NARF: variants seen among roughly 807,000 people sequenced by gnomAD.
NARF encodes the protein nuclear prelamin A recognition factor.
A neutral mutation model predicts 48.0 loss-of-function variants in NARF; 41 were observed. That is an observed-to-expected ratio of 0.85 (90% CI 0.66 to 1.11). The LOEUF is 1.11. Among genes scored for constraint, NARF ranks in the 50% least tolerant of loss-of-function variants. The probability of loss-of-function intolerance (pLI) is 0.00; values close to 1 mark genes in which losing one functional copy is unlikely to be tolerated. For synonymous variants in NARF, 215 were observed against 225.5 expected, an observed-to-expected ratio of 0.95 and a Z score of 0.42; for missense variants, 613 against 590.2, an observed-to-expected ratio of 1.04 and a Z score of -0.40.
chr17:82,482,941 C>T (rs549753125), intron 7 of NARF, among the ~76,000 whole-genome samples: 37 of 151,556 alleles, frequency 2.4e-4, no homozygotes, highest in Non-Finnish European at 4.0e-4. Flanking sequence ...ATTACAGGTG[C>T]GCCCCACCAC....
rs774311311 is a variant in NARF, at chr17:82,472,717, G to A, written c.520+19G>A. The A allele has an allele frequency of 1.4e-5, 22 of 1,603,518 alleles. No individual in the cohort carries two copies. Among genetic ancestry groups the A allele is most frequent in the South Asian group, 6.7e-5 (6 of 89,976 alleles). ...TGTCCTGGTGAGCCCCTGGACCCCCGCTCTGTTGGCCTGAGGTGCCAAAAG... is the reference window on the plus strand; with the variant it reads ...TGTCCTGGTGAGCCCCTGGACCCCCACTCTGTTGGCCTGAGGTGCCAAAAG... On this transcript the variant is annotated intron_variant, in intron 5 of 10. Transcript: ENST00000309794.
At chr17:82,481,870 C>G (rs1338660693) in intron 7 of NARF, 1 of 348,288 alleles carries the variant, frequency 2.9e-6, no homozygotes, top group Non-Finnish European at 5.6e-6. Flanking sequence ...GTCTCCTAAT[C>G]ACAAACCAAG....
intron 6 of NARF, chr17:82,480,798 G>A (rs536896176): frequency 1.6e-5 from 8 of 505,332 alleles, no homozygotes; most frequent in East Asian, 1.3e-4. Context: ...CAGGCGTGGC[G>A]GCATGCGCCT....
At chr17:82,461,687 C>G (rs1007657342) in intron 2 of NARF, among the ~76,000 whole-genome samples, 2 of 152,212 alleles carry the variant, frequency 1.3e-5, no homozygotes, top group Non-Finnish European at 2.9e-5. Flanking sequence ...TGGCCATTAT[C>G]CCTGTTTTAC....
intron 5 of NARF, among the ~76,000 whole-genome samples, chr17:82,473,457 T>C (rs1235347657): frequency 6.6e-6 from 1 of 151,836 alleles, no homozygotes; most frequent in Non-Finnish European, 1.5e-5. Context: ...CTGGAGTGCA[T>C]CCTGCCTCAC....
chr17:82,478,762 G>A, intron 5 of NARF, 38 bp from the exon 6 acceptor site: 4 of 1,576,920 alleles, frequency 2.5e-6, no homozygotes, highest in Non-Finnish European at 3.5e-6. Context: ...ACCAGAGGAA[G>A]CAGTAAGGAG....
At chr17:82,479,484 G>A (rs543358900) in intron 6 of NARF, among the ~76,000 whole-genome samples, 3 of 152,178 alleles carry the variant, frequency 2.0e-5, no homozygotes, top group African/African-American at 7.2e-5. Context: ...TCGGCCCGTC[G>A]TGTTCTCCCT....
intron 5 of NARF, among the ~76,000 whole-genome samples, chr17:82,475,730 C>A (rs944467803): frequency 6.6e-6 from 1 of 152,176 alleles, no homozygotes; most frequent in African/African-American, 2.4e-5. Context: ...TGAGAAGAGA[C>A]CTCTCAGGGC....
chr17:82,466,881 T>TC (rs2043582817), intron 3 of NARF, among the ~76,000 whole-genome samples: 1 of 152,204 alleles, frequency 6.6e-6, no homozygotes, highest in Non-Finnish European at 1.5e-5. Context: ...TTCTTTTTTT[T>TC]CGGCCTTCAC....
chr17:82,479,812 T>C (rs543287214), intron 6 of NARF: 1 of 152,380 alleles, frequency 6.6e-6, no homozygotes, highest in South Asian at 2.1e-4. Context: ...CATAAAGTCA[T>C]AATTTGGCAA....
At chr17:82,485,764 G>A in intron 10 of NARF, 110 bp downstream of exon 10, 1 of 1,283,266 alleles carries the variant, frequency 7.8e-7, no homozygotes, top group Non-Finnish European at 1.1e-6. Flanking sequence ...GCCTCTCTCA[G>A]CCCTGAGAGC....
At chr17:82,468,567 T>C (rs748637005) in intron 3 of NARF, 197 bp from the exon 4 acceptor site, 43 of 551,770 alleles carry the variant, frequency 7.8e-5, no homozygotes, top group Non-Finnish European at 1.3e-4. Flanking sequence ...AAAAAAATAT[T>C]TACCAGAAGC....
intron 5 of NARF, among the ~76,000 whole-genome samples, chr17:82,473,659 G>C (rs1306245621): frequency 6.6e-6 from 1 of 151,774 alleles, no homozygotes; most frequent in African/African-American, 2.4e-5. Context: ...CCAGGTTCAA[G>C]CGATTCTTAT....
chr17:82,458,493 C>A, upstream of NARF: 1 of 350,396 alleles, frequency 2.9e-6, no homozygotes. Context: ...CGCAAGGACC[C>A]GGTCCCCCCG....
In NARF at chr17:82,468,771, A is replaced by G. The variant is rs373855299; in HGVS notation, c.260A>G (p.Asp87Gly). The change falls in exon 4 of 11, where the codon GAT becomes GGT. Residue 87 changes from aspartate (D) to glycine (G), a missense_variant. Asp to Gly is a moderately conservative substitution (Grantham distance 94). Transcript: ENST00000309794. ...CTCTATTTCTCCTTCTAGAAATGTG[A>G]TACCTCAAAGCACAAAGTGCTGGTA... ...FRVLNLNKKC[D>G]TSKHKVLVVS... 1.8e-5 allele frequency: 29 copies of G among 1,613,430 alleles called. No homozygotes were observed. Among genetic ancestry groups the G allele is most frequent in the Non-Finnish European group, 2.3e-5 (27 of 1,179,866 alleles).
chr17:82,474,627 G>A (rs1218805613), intron 5 of NARF, among the ~76,000 whole-genome samples: 1 of 152,114 alleles, frequency 6.6e-6, no homozygotes, highest in Non-Finnish European at 1.5e-5. Context: ...CCCCTACAAT[G>A]GTTTCAAATT....
rs147996405 is a variant in NARF, at chr17:82,469,643, T to G, written c.385+747T>G. ...TTTTGAGCTGGAGTCTCGCTCTTGGTGCCCCAGGCTGGAGTGCAATGATGC... is the reference window on the plus strand; with the variant it reads ...TTTTGAGCTGGAGTCTCGCTCTTGGGGCCCCAGGCTGGAGTGCAATGATGC... On this transcript the variant is annotated intron_variant, in intron 4 of 10. Coordinates refer to ENST00000309794, the MANE Select transcript of NARF (RefSeq NM_012336.4). Among the ~76,000 whole-genome samples, 1,089 of 152,290 alleles carry G rather than the reference T, an allele frequency of 7.2e-3. 4 individuals are homozygous for G. Among genetic ancestry groups the G allele is most frequent in the Admixed American group, 0.015 (234 of 15,286 alleles).
chr17:82,474,914 T>C (rs2043800054), intron 5 of NARF, among the ~76,000 whole-genome samples: 1 of 152,172 alleles, frequency 6.6e-6, no homozygotes, highest in African/African-American at 2.4e-5. Flanking sequence ...TTACTGTAAG[T>C]GATTCACAGA....
At chr17:82,461,739 T>G (rs1223166784) in intron 2 of NARF, among the ~76,000 whole-genome samples, 4 of 152,208 alleles carry the variant, frequency 2.6e-5, no homozygotes, top group African/African-American at 4.8e-5. Flanking sequence ...AGTCTACCCT[T>G]AGAAAGTACT....
Sources: allele counts gnomAD v4.1 joint callset (sites outside exome capture counted in the v4.1 genomes callset), GRCh38; gene constraint gnomAD v4.1.1; transcripts MANE v1.5; gene names NCBI Gene and HGNC (gene_info 2026-07-23, HGNC 2026-07-21).